FAM107A: variants seen among roughly 807,000 people sequenced by gnomAD.
The protein encoded by FAM107A is actin-associated protein FAM107A.
A neutral mutation model predicts 13.7 loss-of-function variants in FAM107A; 19 were observed. The ratio of observed to expected loss-of-function variants is 1.38; its 90% CI spans 0.97 to 2.03. FAM107A has a LOEUF of 2.03. Ranked by LOEUF, FAM107A falls within the 30% of genes most tolerant of loss-of-function variation. The pLI is 0.00. For missense variants in FAM107A, 203 were observed against 184.4 expected (o/e 1.10, Z -0.58); for synonymous variants, 82 against 74.5 (o/e 1.10, Z -0.52).
chr3:58,608,369 T>G (rs1289826492), intron 1 of FAM107A, among the ~76,000 whole-genome samples: 3 of 152,224 alleles, frequency 2.0e-5, no homozygotes, highest in Non-Finnish European at 2.9e-5. Flanking sequence ...GAAATGGGCT[T>G]GTCTAAGGTC....
chr3:58,599,291 G>A (rs2065733027), intron 1 of FAM107A, among the ~76,000 whole-genome samples: 1 of 152,132 alleles, frequency 6.6e-6, no homozygotes, highest in Non-Finnish European at 1.5e-5. Flanking sequence ...CCTTATGCTT[G>A]CTGCCTTTCT....
chr3:58,600,461 C>T (rs1025871554), intron 1 of FAM107A, among the ~76,000 whole-genome samples: 5 of 152,166 alleles, frequency 3.3e-5, no homozygotes, highest in Admixed American at 1.3e-4. Flanking sequence ...GCAGCTATAT[C>T]GTCATCCCAT....
At chr3:58,587,648 T>A (rs1393713355), upstream of FAM107A, among the ~76,000 whole-genome samples, 1 of 151,890 alleles carries the variant, frequency 6.6e-6, no homozygotes, top group African/African-American at 2.4e-5. Context: ...AGGTTGAGGG[T>A]GGAGGCCTAT....
chr3:58,619,991 C>G (rs1427817845), intron 1 of FAM107A, among the ~76,000 whole-genome samples: 2 of 152,156 alleles, frequency 1.3e-5, no homozygotes, highest in African/African-American at 2.4e-5. Context: ...CCCTTCCCCC[C>G]AGCCTGAAGT....
At chr3:58,602,124 A>G (rs1183933271) in intron 1 of FAM107A, among the ~76,000 whole-genome samples, 2 of 152,178 alleles carry the variant, frequency 1.3e-5, no homozygotes, top group African/African-American at 4.8e-5. Flanking sequence ...GGAAGGGGGA[A>G]GAGAGAAGAC....
rs1276195191 is a variant in FAM107A, at chr3:58,604,465, A to C, written c.-69-15196T>G. Among the ~76,000 whole-genome samples, 1 of 152,068 alleles carries C rather than the reference A, an allele frequency of 6.6e-6. No individual in the cohort carries two copies. Among genetic ancestry groups the C allele is most frequent in the African/African-American group, 2.4e-5 (1 of 41,398 alleles). On this transcript the variant is annotated intron_variant, in intron 1 of 3. Transcript: ENST00000465970. The surrounding 1 kb of genome is among the most constrained non-coding windows in gnomAD (Gnocchi z 4.1). Reference sequence around the variant, plus strand: ...CCTGCACCCTCCATTATATAAGTGGAGAAACTGAGGCACAGAGCACTGAGG... The same window carrying C: ...CCTGCACCCTCCATTATATAAGTGGCGAAACTGAGGCACAGAGCACTGAGG...
At chr3:58,602,866 A>G (rs762320417) in intron 1 of FAM107A, among the ~76,000 whole-genome samples, 38 of 152,108 alleles carry the variant, frequency 2.5e-4, no homozygotes, top group Admixed American at 2.0e-4. Context: ...GTGGGTATAG[A>G]TATGTGTATA....
intron 1 of FAM107A, among the ~76,000 whole-genome samples, chr3:58,585,082 C>T (rs77432956): frequency 0.022 from 3,331 of 152,298 alleles, 136 homozygotes; most frequent in African/African-American, 0.077. Context: ...GTGCAGCCTC[C>T]GTCCCTTTTC....
At chr3:58,621,647 T>A (rs1430742774) in intron 1 of FAM107A, among the ~76,000 whole-genome samples, 1 of 152,236 alleles carries the variant, frequency 6.6e-6, no homozygotes, top group East Asian at 1.9e-4. Flanking sequence ...TGGGTGCTAT[T>A]TTTATCCCCA....
intron 1 of FAM107A, among the ~76,000 whole-genome samples, chr3:58,603,202 C>A (rs76540092): frequency 0.037 from 5,604 of 152,266 alleles, 218 homozygotes; most frequent in East Asian, 0.16. Flanking sequence ...CCCATACCAA[C>A]ACTGTCCCCT....
chr3:58,582,378 G>A (rs1454052460), upstream of FAM107A, among the ~76,000 whole-genome samples: 1 of 152,212 alleles, frequency 6.6e-6, no homozygotes, highest in African/African-American at 2.4e-5. Flanking sequence ...GCTGATGCCC[G>A]CAGGCACCTG....
At chr3:58,589,927 T>C (rs940460446), upstream of FAM107A, among the ~76,000 whole-genome samples, 2 of 152,212 alleles carry the variant, frequency 1.3e-5, no homozygotes, top group African/African-American at 2.4e-5. Context: ...CTGGACTGCC[T>C]TCTTCTTACC....
At chr3:58,606,297 T>C (rs1212976278) in intron 1 of FAM107A, among the ~76,000 whole-genome samples, 1 of 152,214 alleles carries the variant, frequency 6.6e-6, no homozygotes, top group Non-Finnish European at 1.5e-5. Context: ...GGTTTCACCA[T>C]GTTGGCCAGG....
At chr3:58,585,459 A>G (rs562273795) in intron 1 of FAM107A, among the ~76,000 whole-genome samples, 1 of 152,388 alleles carries the variant, frequency 6.6e-6, no homozygotes, top group East Asian at 1.9e-4. Flanking sequence ...CTGTGGTTCC[A>G]GTAACTGGGT....
rs541011138 is a variant in FAM107A, at chr3:58,612,581, GA to G, written c.-70+14834del. ...GGTGACAGAGAGAGAGAGAGACCCTGAAAAAAAAAAAAGGACCCAGGTAACC... is the reference window on the plus strand; with the variant it reads ...GGTGACAGAGAGAGAGAGAGACCCTGAAAAAAAAAAAGGACCCAGGTAACC... On this transcript the variant is annotated intron_variant, in intron 1 of 3. Coordinates refer to the FAM107A transcript ENST00000465970. 2.5e-3 allele frequency among the ~76,000 whole-genome samples: 348 copies of G among 137,570 alleles called. 2 individuals carry two copies. In the East Asian group the frequency reaches 0.039, roughly 15 times the overall value. 90.3% of individuals were successfully genotyped at this position (137,570 alleles called of 152,430 possible).
intron 1 of FAM107A, among the ~76,000 whole-genome samples, chr3:58,621,036 C>T (rs1442786226): frequency 6.6e-6 from 1 of 152,098 alleles, no homozygotes; most frequent in Non-Finnish European, 1.5e-5. Flanking sequence ...CCAGGCCATT[C>T]TGAAGGTGGG....
intron 1 of FAM107A, among the ~76,000 whole-genome samples, chr3:58,596,898 A>G (rs983288754): frequency 8.5e-5 from 13 of 152,206 alleles, no homozygotes; most frequent in African/African-American, 2.9e-4. Flanking sequence ...GGCCTCTGTC[A>G]CTACAGATTC....
At chr3:58,579,931 C>G (rs1012762458), upstream of FAM107A, among the ~76,000 whole-genome samples, 1 of 152,230 alleles carries the variant, frequency 6.6e-6, no homozygotes, top group African/African-American at 2.4e-5. Context: ...AGGTACCTAC[C>G]TATCTTCCTG....
At chr3:58,602,246 C>A (rs1233063093) in intron 1 of FAM107A, among the ~76,000 whole-genome samples, 1 of 152,128 alleles carries the variant, frequency 6.6e-6, no homozygotes, top group Admixed American at 6.5e-5. Flanking sequence ...AAAGAAAATG[C>A]ACGCTCAAGC....
Sources: gnomAD v4.1 joint callset for allele counts (sites outside exome capture counted in the v4.1 genomes callset) on GRCh38, gnomAD v4.1.1 for gene constraint, Gnocchi (gnomAD v3.1) non-coding constraint, MANE v1.5 for transcripts, NCBI Gene and HGNC (gene_info 2026-07-23, HGNC 2026-07-21) for gene names.